The following GNAL variants were observed in gnomAD, a reference collection of about 807,000 sequenced individuals.
GNAL encodes the protein guanine nucleotide-binding protein G(olf) subunit alpha.
In GNAL, 18 loss-of-function variants were observed where a neutral mutation model predicts 55.1. The ratio of observed to expected loss-of-function variants is 0.33; its 90% CI spans 0.23 to 0.48. The LOEUF is 0.48. GNAL is among the 20% of genes least tolerant of loss of function. GNAL has a pLI of 0.99. For synonymous variants in GNAL, 253 were observed against 237.0 expected (o/e 1.07, Z -0.62); for missense variants, 412 against 614.1 (o/e 0.67, Z 3.48).
chr18:11,879,976 T>A (rs111323436), intron 11 of GNAL, among the ~76,000 whole-genome samples: 2,732 of 152,092 alleles, frequency 0.018, 33 homozygotes, highest in Non-Finnish European at 0.025. Context: ...TAAAACTAGC[T>A]GGCCGGGCGC....
chr18:11,763,232 C>G (rs1035867046), intron 4 of GNAL, among the ~76,000 whole-genome samples: 2 of 152,110 alleles, frequency 1.3e-5, no homozygotes, highest in Admixed American at 1.3e-4. Context: ...CACATTCATG[C>G]TCTCACTCTC....
At chr18:11,735,606 G>A (rs2032443099) in intron 1 of GNAL, among the ~76,000 whole-genome samples, 1 of 151,914 alleles carries the variant, frequency 6.6e-6, no homozygotes, top group African/African-American at 2.4e-5. Context: ...TAAAAAGTTG[G>A]CCAGGTGTGG....
At chr18:11,871,349 C>A (rs1014661471) in intron 9 of GNAL, among the ~76,000 whole-genome samples, 18 of 151,624 alleles carry the variant, frequency 1.2e-4, no homozygotes, top group Admixed American at 6.6e-5. Context: ...CTCCCCAGTT[C>A]AAGCGATTCT....
chr18:11,717,418 C>T (rs566278163), intron 1 of GNAL, among the ~76,000 whole-genome samples: 5 of 152,196 alleles, frequency 3.3e-5, no homozygotes, highest in Non-Finnish European at 7.3e-5. Context: ...CAGAGGAGGC[C>T]CCGAGAGCGA....
rs188198490 is a variant in GNAL, at chr18:11,731,166, G to T, written c.377-21687G>T. Among the ~76,000 whole-genome samples, 12 of 152,324 alleles carry T rather than the reference G, an allele frequency of 7.9e-5. No homozygotes were observed. The East Asian group carries it at 2.3e-3, about 29-fold the overall frequency. On this transcript the variant is annotated intron_variant, in intron 1 of 11. Coordinates refer to ENST00000334049, the MANE Select transcript of GNAL (RefSeq NM_182978.4). ...AGTTTTTGTTGTTGTTGTTGTTTTT[G>T]AGACGGAGTCTCACTCTGTTGCCCA...
rs775773098 is a variant in GNAL at position 11,880,977 on chromosome 18, T to C, written c.1231-12T>C. 1.2e-6 allele frequency: 2 copies of C among 1,612,784 alleles called. No homozygotes were observed. Among genetic ancestry groups the C allele is most frequent in the Non-Finnish European group, 8.5e-7 (1 of 1,179,182 alleles). On this transcript the variant is annotated splice_polypyrimidine_tract_variant and intron_variant, in intron 11 of 11. Coordinates refer to ENST00000334049, the MANE Select transcript of GNAL (RefSeq NM_182978.4). ...GGCCGCGCAGGGCTAGTGCACACGC[T>C]CTCTCTTGCAGAGGATCAGCACGGC... is the stretch of plus-strand genomic sequence containing the variant.
At chr18:11,856,787 C>G (rs5018702) in intron 5 of GNAL, among the ~76,000 whole-genome samples, 20,232 of 152,004 alleles carry the variant, frequency 0.13, 2,017 homozygotes, top group African/African-American at 0.28. Flanking sequence ...AATAATTAGC[C>G]AGGCATGATG....
At chr18:11,839,804 C>T (rs796239229) in intron 5 of GNAL, among the ~76,000 whole-genome samples, 46 of 152,264 alleles carry the variant, frequency 3.0e-4, no homozygotes, top group African/African-American at 1.1e-3. Context: ...CAGAGAAAAG[C>T]GAAAGCTGTA....
At chr18:11,762,915 A>C (rs2033289740) in intron 4 of GNAL, among the ~76,000 whole-genome samples, 1 of 152,236 alleles carries the variant, frequency 6.6e-6, no homozygotes, top group Admixed American at 6.5e-5. Flanking sequence ...CATGATATTA[A>C]GGAGGAGGGA....
chr18:11,867,061 C>A, intron 7 of GNAL, 107 bp from the exon 8 acceptor site: 1 of 831,766 alleles, frequency 1.2e-6, no homozygotes, highest in South Asian at 1.4e-5. Flanking sequence ...GACTCAAGAC[C>A]CATGTGTGAA....
intron 5 of GNAL, among the ~76,000 whole-genome samples, chr18:11,825,378 C>T (rs1220402194): frequency 3.3e-5 from 5 of 152,082 alleles, no homozygotes; most frequent in Middle Eastern, 3.2e-3. Context: ...TAAAATAATA[C>T]GAACCTTGTG....
intron 5 of GNAL, among the ~76,000 whole-genome samples, chr18:11,854,742 T>C (rs1271112546): frequency 1.3e-5 from 2 of 151,846 alleles, no homozygotes; most frequent in African/African-American, 4.8e-5. Flanking sequence ...GATTGCGCCA[T>C]TGCACTCTAG....
chr18:11,738,896 C>T (rs919272192), intron 1 of GNAL, among the ~76,000 whole-genome samples: 1 of 152,170 alleles, frequency 6.6e-6, no homozygotes, highest in African/African-American at 2.4e-5. Context: ...CGGCAGTGAC[C>T]TGGGGGACTC....
intron 5 of GNAL, chr18:11,852,635 C>CA (rs2035906577): frequency 6.1e-6 from 1 of 164,878 alleles, no homozygotes. Flanking sequence ...TTTGCCTTCA[C>CA]AGTGAGACTG....
chr18:11,801,627 G>C (rs975654515), intron 4 of GNAL, among the ~76,000 whole-genome samples: 3 of 152,212 alleles, frequency 2.0e-5, no homozygotes, highest in South Asian at 4.1e-4. Context: ...GAGGCAAGGA[G>C]ACCAGGCTGC....
intron 4 of GNAL, among the ~76,000 whole-genome samples, chr18:11,791,431 T>C (rs995807153): frequency 4.6e-5 from 7 of 152,320 alleles, no homozygotes; most frequent in Admixed American, 3.3e-4. Context: ...GGGATGCTTT[T>C]TGCCTTCTAA....
At chr18:11,801,352 A>G (rs1330443076) in intron 4 of GNAL, among the ~76,000 whole-genome samples, 1 of 152,188 alleles carries the variant, frequency 6.6e-6, no homozygotes, top group East Asian at 1.9e-4. Flanking sequence ...GGAGTTAAAG[A>G]CCAGCCTCGC....
At chr18:11,845,993 G>A (rs962316982) in intron 5 of GNAL, among the ~76,000 whole-genome samples, 1 of 152,098 alleles carries the variant, frequency 6.6e-6, no homozygotes, top group African/African-American at 2.4e-5. Flanking sequence ...GCGGTTTTGA[G>A]TGGCCCTCTC....
chr18:11,754,382 A>C (rs2032968297), intron 4 of GNAL, among the ~76,000 whole-genome samples: 1 of 151,594 alleles, frequency 6.6e-6, no homozygotes, highest in Non-Finnish European at 1.5e-5. Flanking sequence ...ACGCCACTGC[A>C]CTCCAGCCTG....
Sources: allele counts gnomAD v4.1 joint callset (sites outside exome capture counted in the v4.1 genomes callset), GRCh38; gene constraint gnomAD v4.1.1; transcripts MANE v1.5; gene names NCBI Gene and HGNC (gene_info 2026-07-23, HGNC 2026-07-21).